Variants in ADAMTS2 observed in about 807,000 individuals in gnomAD.
ADAMTS2 encodes the protein ADAM metallopeptidase with thrombospondin type 1 motif 2.
In ADAMTS2, 50 loss-of-function variants were observed where a neutral mutation model predicts 123.0. The ratio of observed to expected loss-of-function variants is 0.41; its 90% CI spans 0.32 to 0.51. The LOEUF is 0.51. Among genes scored for constraint, ADAMTS2 ranks in the 20% least tolerant of loss-of-function variants. ADAMTS2 has a pLI of 0.35. For missense variants in ADAMTS2, 1,494 were observed against 1,705.2 expected (o/e 0.88, Z 2.18); for synonymous variants, 678 against 695.4 (o/e 0.98, Z 0.39).
intron 19 of ADAMTS2, 62 bp downstream of exon 19, chr5:179,124,911 A>G (rs1427535475): frequency 1.9e-6 from 3 of 1,588,022 alleles, no homozygotes; most frequent in Admixed American, 1.8e-5. Flanking sequence ...CACGGAGCGC[A>G]CCTGCATGCC....
At chr5:179,274,294 T>A (rs1300591657) in intron 2 of ADAMTS2, among the ~76,000 whole-genome samples, 3 of 152,196 alleles carry the variant, frequency 2.0e-5, no homozygotes, top group Non-Finnish European at 4.4e-5. Flanking sequence ...TTCCTTCAGA[T>A]CACAAGCTTA....
intron 2 of ADAMTS2, among the ~76,000 whole-genome samples, chr5:179,338,899 G>T (rs1757693042): frequency 6.6e-6 from 1 of 152,068 alleles, no homozygotes; most frequent in African/African-American, 2.4e-5. Context: ...ATTGGAGCTG[G>T]CTAGGGGAGG....
intron 2 of ADAMTS2, among the ~76,000 whole-genome samples, chr5:179,322,407 G>C (rs1010876158): frequency 2.6e-5 from 4 of 152,174 alleles, no homozygotes; most frequent in Non-Finnish European, 5.9e-5. Flanking sequence ...TCACACAGGA[G>C]GGAGTGCAGG....
rs1410384618 is a variant in ADAMTS2, at chr5:179,158,043, C to T, written c.1132+680G>A. Among the ~76,000 whole-genome samples the T allele has an allele frequency of 6.6e-6, 1 of 151,958 alleles. No individual in the cohort carries two copies. Among genetic ancestry groups the T allele is most frequent in the African/African-American group, 2.4e-5 (1 of 41,388 alleles). ...AAAGTGGTGCGATCTCGACTCATTG[C>T]AAACTCCGCCTCCCGGGTTCACACC... is the stretch of plus-strand genomic sequence containing the variant. On this transcript the variant is annotated intron_variant, in intron 6 of 21. Transcript: ENST00000251582. This position sits in a 1 kb window ranked among gnomAD's most constrained non-coding sequence, Gnocchi z 5.0.
rs116820087 is a variant in ADAMTS2 at position 179,181,693 on chromosome 5, A to G, written c.892-538T>C. Among the ~76,000 whole-genome samples, 190 of 152,238 alleles carry G rather than the reference A, an allele frequency of 1.2e-3. 1 individual carries two copies. The highest frequency in any genetic ancestry group is 4.5e-3 in the African/African-American group (186 of 41,528). On this transcript the variant is annotated intron_variant, in intron 4 of 21. Transcript: ENST00000251582. This position sits in a 1 kb window ranked among gnomAD's most constrained non-coding sequence, Gnocchi z 4.1. Reference sequence around the variant, plus strand: ...AAAAGCTCATATTACTGCATCCCCAATGTGCTCTCCCTGTTCTGTTTTGAT... The same window carrying G: ...AAAAGCTCATATTACTGCATCCCCAGTGTGCTCTCCCTGTTCTGTTTTGAT...
intron 2 of ADAMTS2, 149 bp from the exon 3 acceptor site, chr5:179,273,213 G>A (rs988165909): frequency 2.3e-5 from 29 of 1,286,366 alleles, no homozygotes; most frequent in African/African-American, 1.3e-4. Flanking sequence ...TGGGCTGGCC[G>A]GAGGGTATGA....
At chr5:179,172,337 G>A (rs1763838973) in intron 5 of ADAMTS2, among the ~76,000 whole-genome samples, 1 of 152,206 alleles carries the variant, frequency 6.6e-6, no homozygotes, top group Admixed American at 6.5e-5. Flanking sequence ...TCTGCCAAAA[G>A]TGGAAGTGGG....
In ADAMTS2 at chr5:179,162,985, G is replaced by A. The variant is rs1763626182; in HGVS notation, c.976-4106C>T. ...GTTTATATGCTTCTCAGTGGGAGAAGGGCCCTGGCCAAGTCTTTGAGGAGG... is the reference window on the plus strand; with the variant it reads ...GTTTATATGCTTCTCAGTGGGAGAAAGGCCCTGGCCAAGTCTTTGAGGAGG... On this transcript the variant is annotated intron_variant, in intron 5 of 21. Coordinates refer to ENST00000251582, the MANE Select transcript of ADAMTS2 (RefSeq NM_014244.5). This position sits in a 1 kb window ranked among gnomAD's most constrained non-coding sequence, Gnocchi z 5.1. 6.6e-6 allele frequency among the ~76,000 whole-genome samples: 1 copy of A among 152,232 alleles called. No individual in the cohort carries two copies. Among genetic ancestry groups the A allele is most frequent in the Non-Finnish European group, 1.5e-5 (1 of 68,046 alleles).
chr5:179,168,984 C>A (rs1215905854), intron 5 of ADAMTS2, among the ~76,000 whole-genome samples: 1 of 152,234 alleles, frequency 6.6e-6, no homozygotes, highest in Non-Finnish European at 1.5e-5. Context: ...CAGAGAGAGC[C>A]AAGCTGCCAG....
intron 10 of ADAMTS2, among the ~76,000 whole-genome samples, chr5:179,145,786 G>A (rs1421847085): frequency 6.6e-6 from 1 of 152,190 alleles, no homozygotes; most frequent in Admixed American, 6.5e-5. Context: ...TCCAGCGCTT[G>A]TTTGTTGTGA....
intron 5 of ADAMTS2, among the ~76,000 whole-genome samples, chr5:179,167,093 G>A (rs1015867569): frequency 3.9e-5 from 6 of 152,238 alleles, no homozygotes; most frequent in African/African-American, 1.4e-4. Flanking sequence ...CGTCCGCAAG[G>A]AGCGCCCCGC....
Position 179,113,636 on chromosome 5 carries a change from A to C in ADAMTS2, c.*231T>G. 1.7e-6 allele frequency: 1 copy of C among 575,584 alleles called. No individual in the cohort carries two copies. The allele number at this position is 575,584 out of a possible 1,614,324, so 35.7% of individuals were successfully genotyped here. A position where few individuals can be genotyped will look rare whatever the true frequency, so the allele number is the denominator to read the frequency against. ...CAGCCTCTATATTCCTCTCCACTGC[A>C]CACCTGACGCCACCACAGTATTTGG... On this transcript the variant is annotated 3_prime_UTR_variant, in exon 22 of 22. Transcript: ENST00000251582.
intron 3 of ADAMTS2, among the ~76,000 whole-genome samples, chr5:179,271,949 C>T (rs1025642978): frequency 6.6e-6 from 1 of 152,196 alleles, no homozygotes; most frequent in Non-Finnish European, 1.5e-5. Flanking sequence ...TCGCTGTGAA[C>T]GTGCAGGTGT....
At chr5:179,125,848 A>G (rs973024514) in intron 18 of ADAMTS2, 150 bp downstream of exon 18, 283 of 1,228,908 alleles carry the variant, frequency 2.3e-4, no homozygotes, top group Non-Finnish European at 3.1e-4. Context: ...TCTGCCCTGC[A>G]GCATCTTAGA....
At chr5:179,319,086 AT>A (rs774889167) in intron 2 of ADAMTS2, among the ~76,000 whole-genome samples, 1 of 152,078 alleles carries the variant, frequency 6.6e-6, no homozygotes, top group Non-Finnish European at 1.5e-5. Flanking sequence ...ATGTGCACTC[AT>A]GCACTCCCAC....
intron 2 of ADAMTS2, among the ~76,000 whole-genome samples, chr5:179,283,548 G>GCAAAAAAAAAAAAAAAAAAAAAAAA (rs1309785519): frequency 2.4e-4 from 1 of 4,236 alleles, no homozygotes; most frequent in African/African-American, 7.3e-4. Context: ...TAGAAAAACA[G>GCAAAAAAAAAAAAAAAAAAAAAAAA]CAAAAAAAAA....
Position 179,256,608 on chromosome 5 carries a change from C to T in ADAMTS2, c.688+16303G>A, listed in dbSNP as rs1200051796. 2.6e-5 allele frequency among the ~76,000 whole-genome samples: 4 copies of T among 152,164 alleles called. No individual in the cohort carries two copies. Among genetic ancestry groups the T allele is most frequent in the Admixed American group, 2.6e-4 (4 of 15,286 alleles). On this transcript the variant is annotated intron_variant, in intron 3 of 21. Transcript: ENST00000251582. This position sits in a 1 kb window ranked among gnomAD's most constrained non-coding sequence, Gnocchi z 4.1. The stretch of plus-strand genomic sequence containing the variant: ...ACCAGAGTCCAGGAGTCTCACACTC[C>T]ACTGCAAACCAGGCAGGCGGGGCCA...
rs1762634271 is a variant in ADAMTS2, at chr5:179,115,030, T to C, written c.3179-706A>G. On this transcript the variant is annotated intron_variant, in intron 21 of 21. Coordinates refer to ENST00000251582, the MANE Select transcript of ADAMTS2 (RefSeq NM_014244.5). This position sits in a 1 kb window ranked among gnomAD's most constrained non-coding sequence, Gnocchi z 4.4. Reference sequence around the variant, plus strand: ...CCATCCCCCTATAGCACCGCCACCTTGCGCATCCAGCCATTTCCCAAAGAA... The same window carrying C: ...CCATCCCCCTATAGCACCGCCACCTCGCGCATCCAGCCATTTCCCAAAGAA... 6.6e-6 allele frequency among the ~76,000 whole-genome samples: 1 copy of C among 152,204 alleles called. No homozygotes were observed. Among genetic ancestry groups the C allele is most frequent in the Admixed American group, 6.5e-5 (1 of 15,278 alleles).
chr5:179,207,777 G>A lies in ADAMTS2; in HGVS notation c.689-62C>T, dbSNP rs566018257. 99 of 1,491,544 alleles carry A rather than the reference G, an allele frequency of 6.6e-5. No individual in the cohort carries two copies. The African/African-American group carries it at 1.3e-3, about 19-fold the overall frequency. 92.4% of individuals were successfully genotyped at this position (1,491,544 alleles called of 1,614,324 possible). On this transcript the variant is annotated intron_variant, in intron 3 of 21. Transcript: ENST00000251582. ...AACCCACCCGGACACAAACCTACCA[G>A]GCGCCAGCTTGGCCATCCTCTCATT...
Sources: allele counts gnomAD v4.1 joint callset (sites outside exome capture counted in the v4.1 genomes callset), GRCh38; gene constraint gnomAD v4.1.1; non-coding constraint Gnocchi (gnomAD v3.1); transcripts MANE v1.5; gene names NCBI Gene and HGNC (gene_info 2026-07-23, HGNC 2026-07-21).